The following SGCZ variants were observed in gnomAD, a reference collection of about 807,000 sequenced individuals.
SGCZ encodes the protein sarcoglycan zeta, also known as zeta-sarcoglycan.
A neutral mutation model predicts 41.3 loss-of-function variants in SGCZ; 40 were observed. The ratio of observed to expected loss-of-function variants is 0.97; its 90% CI spans 0.75 to 1.26. The LOEUF (loss-of-function observed/expected upper bound fraction) is 1.26. Ranked by LOEUF, SGCZ falls within the 50% of genes most tolerant of loss-of-function variation. The pLI is 0.00. For missense variants in SGCZ, 552 were observed against 369.8 expected, an observed-to-expected ratio of 1.49 and a Z score of -4.04; for synonymous variants, 206 against 137.5, an observed-to-expected ratio of 1.50 and a Z score of -3.49.
chr8:14,679,736 A>G (rs1045292868), intron 1 of SGCZ, among the ~76,000 whole-genome samples: 33 of 152,028 alleles, frequency 2.2e-4, no homozygotes, highest in Admixed American at 1.2e-3. Context: ...AAAGTCCCCA[A>G]TAGTGCATAG....
At chr8:14,801,933 G>A (rs943660660) in intron 1 of SGCZ, among the ~76,000 whole-genome samples, 11 of 152,186 alleles carry the variant, frequency 7.2e-5, no homozygotes, top group African/African-American at 2.7e-4. Flanking sequence ...CATAGCACAT[G>A]GAAAGCAGTC....
intron 1 of SGCZ, among the ~76,000 whole-genome samples, chr8:14,729,246 C>A (rs117821776): frequency 6.6e-6 from 1 of 152,136 alleles, no homozygotes; most frequent in Admixed American, 6.5e-5. Flanking sequence ...GTCACGACAA[C>A]GCTTAATGAC....
At chr8:14,914,881 G>C (rs1052663079) in intron 1 of SGCZ, among the ~76,000 whole-genome samples, 1 of 152,124 alleles carries the variant, frequency 6.6e-6, no homozygotes, top group African/African-American at 2.4e-5. Flanking sequence ...TTGCTCCTTT[G>C]CTGGGAGCCA....
intron 2 of SGCZ, among the ~76,000 whole-genome samples, chr8:14,406,403 T>G (rs1799212648): frequency 6.6e-6 from 1 of 152,182 alleles, no homozygotes; most frequent in South Asian, 2.1e-4. Context: ...TTTAAATTAT[T>G]TTCTGCTTCT....
At chr8:14,654,120 T>TAC (rs142354842) in intron 1 of SGCZ, among the ~76,000 whole-genome samples, 17 of 151,542 alleles carry the variant, frequency 1.1e-4, no homozygotes, top group East Asian at 5.8e-4. Context: ...TATATATATA[T>TAC]ACACACACAC....
intron 2 of SGCZ, among the ~76,000 whole-genome samples, chr8:14,382,600 T>A (rs902821339): frequency 2.0e-5 from 3 of 152,164 alleles, no homozygotes; most frequent in Admixed American, 1.3e-4. Flanking sequence ...CAATCATTAT[T>A]GGGGACGTTC....
intron 1 of SGCZ, among the ~76,000 whole-genome samples, chr8:14,779,881 T>A (rs1400328980): frequency 6.6e-6 from 1 of 152,190 alleles, no homozygotes; most frequent in East Asian, 1.9e-4. Context: ...GTTTAAAGAT[T>A]ACATTTATGT....
chr8:14,397,772 T>A (rs1484957474), intron 2 of SGCZ, among the ~76,000 whole-genome samples: 1 of 152,148 alleles, frequency 6.6e-6, no homozygotes, highest in African/African-American at 2.4e-5. Context: ...CCCTTCATCA[T>A]CTGTCACCAG....
chr8:14,243,089 G>C (rs979991574), intron 3 of SGCZ, among the ~76,000 whole-genome samples: 4 of 151,332 alleles, frequency 2.6e-5, no homozygotes, highest in African/African-American at 4.9e-5. Flanking sequence ...AGGAGGGTAT[G>C]TTATAAACTG....
chr8:14,492,199 C>G (rs1321358149), intron 2 of SGCZ, among the ~76,000 whole-genome samples: 1 of 152,102 alleles, frequency 6.6e-6, no homozygotes, highest in Non-Finnish European at 1.5e-5. Context: ...AATCCACCAG[C>G]AGTTACATCA....
intron 2 of SGCZ, among the ~76,000 whole-genome samples, chr8:14,551,516 T>TAA (rs1554537371): frequency 0.011 from 114 of 10,184 alleles, 8 homozygotes; most frequent in South Asian, 0.019. Context: ...ATTATATATA[T>TAA]TATATATAAT....
rs9650376 is a variant in SGCZ at position 14,805,686 on chromosome 8, C to A, written c.40-250760G>T. Among the ~76,000 whole-genome samples the A allele has an allele frequency of 2.2e-3, 326 of 151,530 alleles. 1 individual carries two copies. The highest frequency in any genetic ancestry group is 7.5e-3 in the African/African-American group (310 of 41,204). ...GACAGATCAACGAGACAGAAAGTCA[C>A]CAAGGATACCCAGGAATTGAACTCA... On this transcript the variant is annotated intron_variant, in intron 1 of 7. Transcript: ENST00000382080.
intron 1 of SGCZ, among the ~76,000 whole-genome samples, chr8:15,137,463 C>T (rs1808155866): frequency 6.6e-6 from 1 of 152,194 alleles, no homozygotes; most frequent in South Asian, 2.1e-4. Context: ...TGTCGGGGAC[C>T]TTCCTGGCAG....
chr8:14,601,886 C>A (rs1377281633), intron 1 of SGCZ, among the ~76,000 whole-genome samples: 1 of 151,980 alleles, frequency 6.6e-6, no homozygotes, highest in Non-Finnish European at 1.5e-5. Flanking sequence ...TTTGGGTGGC[C>A]GAGGCGGGCG....
At chr8:14,898,619 T>G (rs896445881) in intron 1 of SGCZ, among the ~76,000 whole-genome samples, 2 of 152,086 alleles carry the variant, frequency 1.3e-5, no homozygotes, top group Non-Finnish European at 2.9e-5. Flanking sequence ...GTGAAAAGAT[T>G]TGAGAATATA....
intron 2 of SGCZ, among the ~76,000 whole-genome samples, chr8:14,518,833 G>A (rs1233514233): frequency 6.7e-6 from 1 of 148,840 alleles, no homozygotes; most frequent in African/African-American, 2.5e-5. Context: ...AAGGCAGGAG[G>A]ATCACTTGAC....
chr8:14,118,188 G>T (rs946979566), intron 5 of SGCZ, among the ~76,000 whole-genome samples: 2 of 151,994 alleles, frequency 1.3e-5, no homozygotes, highest in African/African-American at 4.8e-5. Flanking sequence ...GAACTAATTT[G>T]CACTCCTACC....
chr8:14,645,986 A>G (rs1246590652), intron 1 of SGCZ, among the ~76,000 whole-genome samples: 1 of 149,472 alleles, frequency 6.7e-6, no homozygotes, highest in East Asian at 2.0e-4. Flanking sequence ...AAAATTGGAA[A>G]TTCAGAATCT....
At chr8:14,597,770 C>T (rs943328555) in intron 1 of SGCZ, among the ~76,000 whole-genome samples, 8 of 152,196 alleles carry the variant, frequency 5.3e-5, no homozygotes, top group Non-Finnish European at 1.2e-4. Context: ...AGCCACTGCA[C>T]CTGGCCTCAC....
Sources: gnomAD v4.1 joint callset for allele counts (sites outside exome capture counted in the v4.1 genomes callset) on GRCh38, gnomAD v4.1.1 for gene constraint, MANE v1.5 for transcripts, NCBI Gene and HGNC (gene_info 2026-07-23, HGNC 2026-07-21) for gene names.